MYO5B: variants seen among roughly 807,000 people sequenced by gnomAD.
MYO5B encodes unconventional myosin-Vb.
Under a neutral mutation model 229.3 loss-of-function variants are expected in MYO5B, and 143 were observed. The ratio of observed to expected loss-of-function variants is 0.62; its 90% CI spans 0.54 to 0.72. The LOEUF (loss-of-function observed/expected upper bound fraction) is 0.72, where lower values mean the gene tolerates loss of function less well. Ranked by LOEUF, MYO5B falls within the 30% of genes least tolerant of loss-of-function variation. The pLI, the probability that MYO5B is intolerant of heterozygous loss-of-function variation, is 0.00. For missense variants in MYO5B, 2,321 were observed against 2,331.0 expected (o/e 1.00, Z 0.09); for synonymous variants, 918 against 885.2 (o/e 1.04, Z -0.66).
chr18:49,997,176 G>A (rs1350468016), intron 5 of MYO5B, among the ~76,000 whole-genome samples: 1 of 150,136 alleles, frequency 6.7e-6, no homozygotes, highest in African/African-American at 2.5e-5. Context: ...GCTGAGGTAG[G>A]AGAATCGCTG....
intron 4 of MYO5B, among the ~76,000 whole-genome samples, chr18:50,026,657 G>A (rs1013418568): frequency 1.2e-4 from 18 of 152,098 alleles, no homozygotes; most frequent in East Asian, 7.7e-4. Flanking sequence ...TTCTTCCATC[G>A]TTTCCTTCTT....
intron 1 of MYO5B, among the ~76,000 whole-genome samples, chr18:50,122,631 GGGGGA>G (rs1568115263): frequency 4.8e-4 from 16 of 33,682 alleles, no homozygotes; most frequent in Non-Finnish European, 9.2e-4. Flanking sequence ...AGGGAAGGGG[GGGGGA>G]GAGAGAGAGA....
chr18:49,878,270 T>C (rs1233823118), intron 24 of MYO5B, among the ~76,000 whole-genome samples: 2 of 152,188 alleles, frequency 1.3e-5, no homozygotes, highest in Non-Finnish European at 2.9e-5. Flanking sequence ...ACTCCTCAAA[T>C]TTTATGAAAA....
At chr18:50,039,393 G>A (rs867469150) in intron 3 of MYO5B, among the ~76,000 whole-genome samples, 12 of 152,058 alleles carry the variant, frequency 7.9e-5, no homozygotes, top group South Asian at 2.1e-4. Context: ...GTGCAGTGGC[G>A]CGATCTCGGC....
chr18:50,088,209 G>A, intron 1 of MYO5B, among the ~76,000 whole-genome samples: 1 of 152,106 alleles, frequency 6.6e-6, no homozygotes, highest in East Asian at 1.9e-4. Context: ...GATTATAGGT[G>A]GACCATGGAG....
In MYO5B at chr18:49,968,700, TTAAGGCCCAG is replaced by T. The variant is rs2025655123; in HGVS notation, c.1322+5640_1322+5649del. On this transcript the variant is annotated intron_variant, in intron 10 of 39. Transcript: ENST00000285039. ...AATTCATTCCTTATTTTGTCATGCT[TTAAGGCCCAG>T]GAAGGGCCTAGGCAAGACTCTTGGT... is the stretch of plus-strand genomic sequence containing the variant. Among the ~76,000 whole-genome samples, 24 of 151,874 alleles carry T rather than the reference TTAAGGCCCAG, an allele frequency of 1.6e-4. No individual in the cohort carries two copies. The South Asian group carries it at 5.0e-3, about 32-fold the overall frequency.
At chr18:49,861,380 C>T (rs904977453) in intron 29 of MYO5B, among the ~76,000 whole-genome samples, 18 of 152,110 alleles carry the variant, frequency 1.2e-4, no homozygotes, top group African/African-American at 4.1e-4. Flanking sequence ...CTCTGAAGAT[C>T]GGGGAGATAC....
In MYO5B at chr18:50,037,398, C is replaced by T. The variant is rs545265669; in HGVS notation, c.311-404G>A. Among the ~76,000 whole-genome samples, 3 of 152,334 alleles carry T rather than the reference C, an allele frequency of 2.0e-5. No homozygotes were observed. In the South Asian group the frequency reaches 6.2e-4, roughly 32 times the overall value. On this transcript the variant is annotated intron_variant, in intron 3 of 39. Transcript: ENST00000285039. ...AATCTGGGAAAGGATTATACATTTT[C>T]TCATTTGTATATTGGTTATCTTAAC...
At chr18:50,145,723 T>C (rs1238588425) in intron 1 of MYO5B, among the ~76,000 whole-genome samples, 1 of 151,936 alleles carries the variant, frequency 6.6e-6, no homozygotes, top group African/African-American at 2.4e-5. Flanking sequence ...TCAAAAGAGG[T>C]TGGAACTGAA....
At chr18:49,927,437 A>C (rs1043578301) in intron 17 of MYO5B, among the ~76,000 whole-genome samples, 15 of 140,156 alleles carry the variant, frequency 1.1e-4, no homozygotes, top group African/African-American at 4.6e-4. Context: ...AAAAACAAAA[A>C]AACAAAACAA....
At chr18:50,031,319 C>A (rs1406511528) in intron 4 of MYO5B, among the ~76,000 whole-genome samples, 1 of 152,108 alleles carries the variant, frequency 6.6e-6, no homozygotes, top group Non-Finnish European at 1.5e-5. Flanking sequence ...AGCTGTGCAG[C>A]AAAGAGGCTT....
intron 1 of MYO5B, among the ~76,000 whole-genome samples, chr18:50,173,281 A>G (rs2032945004): frequency 6.6e-6 from 1 of 151,964 alleles, no homozygotes; most frequent in Admixed American, 6.6e-5. Context: ...ACAGAAGAAA[A>G]AAAAAAAAAA....
chr18:50,111,837 T>C (rs138261729), intron 1 of MYO5B, among the ~76,000 whole-genome samples: 1 of 152,198 alleles, frequency 6.6e-6, no homozygotes, highest in Non-Finnish European at 1.5e-5. Context: ...CTGCCTCTTA[T>C]CAACTCATCC....
chr18:49,994,633 G>A (rs2025967718), intron 5 of MYO5B, among the ~76,000 whole-genome samples: 1 of 152,200 alleles, frequency 6.6e-6, no homozygotes, highest in South Asian at 2.1e-4. Flanking sequence ...GTAACTCTCA[G>A]TCACCTAACT....
chr18:50,065,037 A>ACACAC (rs1170418752), intron 1 of MYO5B, among the ~76,000 whole-genome samples: 1 of 152,226 alleles, frequency 6.6e-6, no homozygotes, highest in East Asian at 1.9e-4. Context: ...CTCAGAACTT[A>ACACAC]CACACCTCAC....
At position 50,059,766 on chromosome 18, in the gene MYO5B, C is replaced by G. The variant is rs1442003395; in HGVS notation, c.28-4388G>C. 3.3e-5 allele frequency among the ~76,000 whole-genome samples: 5 copies of G among 152,330 alleles called. No homozygotes were observed. In the East Asian group the frequency reaches 5.8e-4, roughly 18 times the overall value. ...CTCAGTTTAAAGTGTCTATAAATTACTGAGCAGGGCTGTTTACCCAATGTC... is the reference window on the plus strand; with the variant it reads ...CTCAGTTTAAAGTGTCTATAAATTAGTGAGCAGGGCTGTTTACCCAATGTC... On this transcript the variant is annotated intron_variant, in intron 1 of 39. Coordinates refer to ENST00000285039, the MANE Select transcript of MYO5B (RefSeq NM_001080467.3).
rs1027108552 is a variant in MYO5B, at chr18:49,923,058, T to C, written c.2090+6454A>G. Among the ~76,000 whole-genome samples the C allele has an allele frequency of 2.6e-5, 4 of 152,292 alleles. No individual in the cohort carries two copies. In the South Asian group the frequency reaches 6.2e-4, roughly 24 times the overall value. ...AATCACACCTGGTCTCTCAGCATGC[T>C]ACAACTAGGGGAGTAAGCAGTAGGA... On this transcript the variant is annotated intron_variant, in intron 17 of 39. Transcript: ENST00000285039.
intron 10 of MYO5B, among the ~76,000 whole-genome samples, chr18:49,967,346 C>A (rs1170227437): frequency 6.6e-6 from 1 of 152,184 alleles, no homozygotes; most frequent in African/African-American, 2.4e-5. Context: ...AATGATCAAC[C>A]TCCTTGAATC....
At chr18:50,129,707 ATC>A (rs2144544921) in intron 1 of MYO5B, among the ~76,000 whole-genome samples, 1 of 152,332 alleles carries the variant, frequency 6.6e-6, no homozygotes, top group Admixed American at 6.5e-5. Context: ...CAGAGCTGGA[ATC>A]TGAGTCCAGG....
Sources: allele counts gnomAD v4.1 joint callset (sites outside exome capture counted in the v4.1 genomes callset), GRCh38; gene constraint gnomAD v4.1.1; transcripts MANE v1.5; gene names NCBI Gene and HGNC (gene_info 2026-07-23, HGNC 2026-07-21).